Variants in TASP1 observed in about 807,000 individuals in gnomAD.
TASP1 encodes the protein threonine aspartase 1.
TASP1 carries 16 observed loss-of-function variants against 56.6 expected under a neutral mutation model. The ratio of observed to expected loss-of-function variants is 0.28; its 90% CI spans 0.19 to 0.43. The LOEUF (loss-of-function observed/expected upper bound fraction) is 0.43, where lower values mean the gene tolerates loss of function less well. Ranked by LOEUF, TASP1 falls within the 20% of genes least tolerant of loss-of-function variation. TASP1 has a pLI of 1.00. For synonymous variants in TASP1, 179 were observed against 184.2 expected (o/e 0.97, Z 0.23); for missense variants, 393 against 511.6 (o/e 0.77, Z 2.24).
the TASP1 span, among the ~76,000 whole-genome samples, chr20:13,121,228 A>G: frequency 6.6e-6 from 1 of 152,090 alleles, no homozygotes; most frequent in Middle Eastern, 3.2e-3. Flanking sequence ...GAATGAAGCG[A>G]TGGTAGCCCT....
At chr20:13,208,425 T>C in the TASP1 span, among the ~76,000 whole-genome samples, 4 of 152,244 alleles carry the variant, frequency 2.6e-5, no homozygotes, top group African/African-American at 9.6e-5. Context: ...GTTGCCTTCC[T>C]CACCACACTT....
At chr20:13,292,207 A>G in the TASP1 span, among the ~76,000 whole-genome samples, 1 of 152,224 alleles carries the variant, frequency 6.6e-6, no homozygotes, top group Non-Finnish European at 1.5e-5. Flanking sequence ...TAGTTTCTGC[A>G]CTACGACCTG....
intron 8 of TASP1, among the ~76,000 whole-genome samples, chr20:13,538,520 A>T (rs2045499381): frequency 6.6e-6 from 1 of 152,224 alleles, no homozygotes; most frequent in African/African-American, 2.4e-5. Context: ...GTTTGAGAGC[A>T]GCATTATAAC....
At chr20:13,352,353 G>A in the TASP1 span, among the ~76,000 whole-genome samples, 154 of 151,724 alleles carry the variant, frequency 1.0e-3, no homozygotes, top group Middle Eastern at 3.4e-3. Context: ...GGGAGGCTGC[G>A]GCATAAGAAT....
the TASP1 span, among the ~76,000 whole-genome samples, chr20:13,132,287 G>T: frequency 7.0e-6 from 1 of 142,396 alleles, no homozygotes; most frequent in African/African-American, 2.6e-5. Context: ...AGTGACTCTT[G>T]TGCCTCAGCC....
intron 1 of TASP1, among the ~76,000 whole-genome samples, chr20:13,634,119 AG>A (rs1213957788): frequency 6.6e-6 from 1 of 152,238 alleles, no homozygotes; most frequent in East Asian, 1.9e-4. Context: ...TATTATTCAC[AG>A]CATCCAAAAA....
chr20:13,411,913 T>A (rs1157136297), intron 13 of TASP1, among the ~76,000 whole-genome samples: 1 of 152,194 alleles, frequency 6.6e-6, no homozygotes, highest in Non-Finnish European at 1.5e-5. Flanking sequence ...CCTGTACATG[T>A]TGGGAGCAGG....
At chr20:13,256,012 G>A in the TASP1 span, among the ~76,000 whole-genome samples, 2 of 152,002 alleles carry the variant, frequency 1.3e-5, no homozygotes, top group African/African-American at 2.4e-5. Context: ...CCACCAGGCA[G>A]TGATACCCAA....
the TASP1 span, among the ~76,000 whole-genome samples, chr20:13,247,522 G>GTGTGTGTGTC: frequency 1.6e-3 from 161 of 100,110 alleles, 2 homozygotes; most frequent in Admixed American, 3.5e-3. Context: ...TGAGGGGTGT[G>GTGTGTGTGTC]TGTGTGTGTG....
the TASP1 span, among the ~76,000 whole-genome samples, chr20:13,160,600 C>T: frequency 6.6e-6 from 1 of 152,198 alleles, no homozygotes; most frequent in Non-Finnish European, 1.5e-5. Flanking sequence ...TTTAAAATTG[C>T]CTTTTATTGT....
intron 4 of TASP1, among the ~76,000 whole-genome samples, chr20:13,620,878 T>TGGA (rs2048691060): frequency 2.0e-5 from 3 of 152,206 alleles, no homozygotes; most frequent in Non-Finnish European, 4.4e-5. Flanking sequence ...CCCAAGCTAT[T>TGGA]ACAATACTAC....
intron 6 of TASP1, among the ~76,000 whole-genome samples, chr20:13,578,022 G>A (rs772960686): frequency 6.6e-6 from 1 of 152,298 alleles, no homozygotes; most frequent in East Asian, 1.9e-4. Context: ...TCTCAGGATA[G>A]AAATGCTGGA....
chr20:13,282,770 A>G, the TASP1 span, among the ~76,000 whole-genome samples: 2 of 152,360 alleles, frequency 1.3e-5, no homozygotes, highest in Admixed American at 6.5e-5. Flanking sequence ...TGTGCACATG[A>G]ATAGCCCCGG....
chr20:13,192,812 C>T, the TASP1 span, among the ~76,000 whole-genome samples: 10 of 151,916 alleles, frequency 6.6e-5, no homozygotes, highest in Non-Finnish European at 1.3e-4. Context: ...CCTCAGCCTC[C>T]CAAACTGCTA....
chr20:13,304,674 T>C, the TASP1 span, among the ~76,000 whole-genome samples: 147 of 152,238 alleles, frequency 9.7e-4, no homozygotes, highest in African/African-American at 3.4e-3. Flanking sequence ...TGTTTGGTGA[T>C]CTTGGGGGAA....
At chr20:13,432,219 C>G (rs2146169109) in intron 12 of TASP1, among the ~76,000 whole-genome samples, 1 of 152,200 alleles carries the variant, frequency 6.6e-6, no homozygotes, top group East Asian at 1.9e-4. Flanking sequence ...AGAATTCCAA[C>G]AAAAATCAAG....
At chr20:13,405,923 C>T (rs2041901578) in intron 13 of TASP1, among the ~76,000 whole-genome samples, 1 of 152,182 alleles carries the variant, frequency 6.6e-6, no homozygotes, top group Non-Finnish European at 1.5e-5. Context: ...TCTGCAGTGT[C>T]TGGTGGACCC....
At chr20:13,515,384 C>T (rs902167096) in intron 10 of TASP1, among the ~76,000 whole-genome samples, 2 of 151,932 alleles carry the variant, frequency 1.3e-5, no homozygotes, top group African/African-American at 4.8e-5. Context: ...CACAGCACCA[C>T]TTTGTCCATC....
downstream of TASP1, among the ~76,000 whole-genome samples, chr20:13,386,422 A>C (rs1316464893): frequency 6.6e-6 from 1 of 151,736 alleles, no homozygotes; most frequent in Non-Finnish European, 1.5e-5. Context: ...CATTTTTAAA[A>C]TTTTCCTTAT....
Sources: gnomAD v4.1 joint callset for allele counts (sites outside exome capture counted in the v4.1 genomes callset) on GRCh38, gnomAD v4.1.1 for gene constraint, MANE v1.5 for transcripts, NCBI Gene and HGNC (gene_info 2026-07-23, HGNC 2026-07-21) for gene names.